Variants in POSTN observed in about 807,000 individuals in gnomAD.
POSTN encodes the protein osteoblast specific factor 2 (fasciclin I-like).
In POSTN, 71 loss-of-function variants were observed where a neutral mutation model predicts 104.5. The observed-to-expected ratio is 0.68, with a 90% confidence interval of 0.56 to 0.83. POSTN has a LOEUF of 0.83. Among genes scored for constraint, POSTN ranks in the 40% least tolerant of loss-of-function variants. POSTN has a pLI of 0.00. For synonymous variants in POSTN, 355 were observed against 340.7 expected, an observed-to-expected ratio of 1.04 and a Z score of -0.46; for missense variants, 949 against 1,006.8, an observed-to-expected ratio of 0.94 and a Z score of 0.78.
At chr13:37,586,041 T>C in intron 7 of POSTN, 98 bp downstream of exon 7, 7 of 1,243,398 alleles carry the variant, frequency 5.6e-6, no homozygotes, top group Non-Finnish European at 7.6e-6. Flanking sequence ...TCCCTGCCTT[T>C]GCTTATTAAA....
At chr13:37,590,682 CT>C (rs1342835701) in intron 3 of POSTN, among the ~76,000 whole-genome samples, 153 bp from the exon 4 acceptor site, 2 of 152,026 alleles carry the variant, frequency 1.3e-5, no homozygotes, top group African/African-American at 4.8e-5. Flanking sequence ...TAAAAGTTAT[CT>C]TTTGAGTGCT....
At chr13:37,595,809 A>G (rs1951068207) in intron 2 of POSTN, among the ~76,000 whole-genome samples, 1 of 147,338 alleles carries the variant, frequency 6.8e-6, no homozygotes, top group Non-Finnish European at 1.5e-5. Flanking sequence ...CATATTTAGT[A>G]TCTTTTTTTT....
intron 21 of POSTN, among the ~76,000 whole-genome samples, chr13:37,567,002 C>T (rs1234592899): frequency 6.6e-6 from 1 of 151,070 alleles, no homozygotes; most frequent in Non-Finnish European, 1.5e-5. Flanking sequence ...TTTGGGAGGC[C>T]GAGGCGGGCG....
intron 21 of POSTN, among the ~76,000 whole-genome samples, chr13:37,567,662 C>T (rs374868022): frequency 6.6e-6 from 1 of 151,924 alleles, no homozygotes; most frequent in Non-Finnish European, 1.5e-5. Context: ...AAAACCGATG[C>T]CTTACAGATA....
At chr13:37,595,604 C>A (rs955728558) in intron 2 of POSTN, among the ~76,000 whole-genome samples, 1 of 152,150 alleles carries the variant, frequency 6.6e-6, no homozygotes, top group East Asian at 1.9e-4. Context: ...AAATAGGCAT[C>A]TGGTCACAAC....
chr13:37,594,414 T>C (rs1379164901), intron 2 of POSTN, among the ~76,000 whole-genome samples: 3 of 152,144 alleles, frequency 2.0e-5, no homozygotes, highest in Admixed American at 6.5e-5. Flanking sequence ...AACAATGTGG[T>C]TATCTCTGAG....
At position 37,574,641 on chromosome 13, in the gene POSTN, T is replaced by C. The variant is rs748520068; in HGVS notation, c.2020A>G (p.Ile674Val). 1.3e-6 allele frequency: 2 copies of C among 1,597,986 alleles called. No homozygotes were observed. The highest frequency in any genetic ancestry group is 1.1e-5 in the South Asian group (1 of 87,366). ...ATTTTTGGTTCCACAACTTTGGTTA[T>C]AATTTTAGTTGCTGAAAGTATAGAA... The part of the protein sequence containing the change: ...IPVTVYTTKI[I>V]TKVVEPKIKV... Residue 674 changes from isoleucine (I) to valine (V), a missense_variant, in exon 17 of 23, where the codon ATA becomes GTA. By Grantham distance (29) the Ile-to-Val change is conservative (BLOSUM62 3). Coordinates refer to ENST00000379747, the MANE Select transcript of POSTN (RefSeq NM_006475.3).
At chr13:37,593,087 GA>G (rs1950990050) in intron 2 of POSTN, among the ~76,000 whole-genome samples, 2 of 150,932 alleles carry the variant, frequency 1.3e-5, no homozygotes, top group African/African-American at 4.9e-5. Context: ...TTTAATATTA[GA>G]GTTTAGTATT....
intron 7 of POSTN, 105 bp from the exon 8 acceptor site, chr13:37,585,033 T>G: frequency 6.8e-7 from 1 of 1,472,038 alleles, no homozygotes; most frequent in Middle Eastern, 1.8e-4. Context: ...TAAAATGTAG[T>G]AAAACCTAAG....
At chr13:37,590,631 AT>A in intron 3 of POSTN, 102 bp from the exon 4 acceptor site, 1 of 990,848 alleles carries the variant, frequency 1.0e-6, no homozygotes, top group Non-Finnish European at 1.4e-6. Context: ...CATTTAGCTA[AT>A]AATTTTAGCA....
chr13:37,580,378 A>G (rs1950543836), intron 11 of POSTN, among the ~76,000 whole-genome samples, 183 bp downstream of exon 11: 1 of 152,250 alleles, frequency 6.6e-6, no homozygotes, highest in Non-Finnish European at 1.5e-5. Flanking sequence ...GAAATCATAT[A>G]ACGGTGTACC....
intron 9 of POSTN, 129 bp downstream of exon 9, chr13:37,583,840 G>A (rs1950669718): frequency 4.8e-6 from 5 of 1,049,136 alleles, no homozygotes; most frequent in Non-Finnish European, 1.4e-6. Flanking sequence ...TTAACACATT[G>A]TATGTGTAGC....
At chr13:37,592,267 G>T in intron 2 of POSTN, 103 bp from the exon 3 acceptor site, 1 of 762,282 alleles carries the variant, frequency 1.3e-6, no homozygotes. Flanking sequence ...ATTTGTTGAG[G>T]TTCTAAAAAT....
At chr13:37,574,954 T>G (rs1354224646) in intron 16 of POSTN, among the ~76,000 whole-genome samples, 2 of 152,038 alleles carry the variant, frequency 1.3e-5, no homozygotes, top group Non-Finnish European at 2.9e-5. Flanking sequence ...CGCTTTACCT[T>G]CTTTTGTACT....
At position 37,569,350 on chromosome 13, in the gene POSTN, C is replaced by G; in HGVS notation, c.2381G>C (p.Gly794Ala). 6.2e-7 allele frequency: 1 copy of G among 1,612,898 alleles called. No individual in the cohort carries two copies. The highest frequency in any genetic ancestry group is 8.5e-7 in the Non-Finnish European group (1 of 1,179,138). Residue 794 changes from glycine to alanine, a missense_variant, in exon 21 of 23, where the codon GGT becomes GCT. Coordinates refer to ENST00000379747, the MANE Select transcript of POSTN (RefSeq NM_006475.3). ...VTKVTKFIEG[G>A]DGHLFEDEEI... is the part of the protein sequence containing the mutation. ...TTCATCTTCAAATAAATGACCATCA[C>G]CACCTTCAATGAATTTGGTGACCTT...
intron 16 of POSTN, among the ~76,000 whole-genome samples, chr13:37,576,844 T>G (rs1162697901): frequency 6.6e-6 from 1 of 152,090 alleles, no homozygotes; most frequent in East Asian, 1.9e-4. Context: ...AGACATTTTG[T>G]TTTGCTCCTT....
intron 15 of POSTN, among the ~76,000 whole-genome samples, chr13:37,578,028 A>C (rs1048052115): frequency 6.6e-6 from 1 of 152,200 alleles, no homozygotes; most frequent in Non-Finnish European, 1.5e-5. Flanking sequence ...TAATTAATCC[A>C]AAGTTAAATA....
chr13:37,564,208 ATATATATATATATATATATATG>A (rs1274613985), intron 22 of POSTN, among the ~76,000 whole-genome samples: 1 of 127,908 alleles, frequency 7.8e-6, no homozygotes, highest in African/African-American at 3.3e-5. Flanking sequence ...ATATATATAT[ATATATATATATATATATATATG>A]TATGGAGAAT....
intron 21 of POSTN, among the ~76,000 whole-genome samples, chr13:37,566,847 A>C (rs890044261): frequency 1.3e-5 from 2 of 152,158 alleles, no homozygotes; most frequent in African/African-American, 4.8e-5. Context: ...TATCAGTGAC[A>C]AATCACAACA....
Sources: allele counts gnomAD v4.1 joint callset (sites outside exome capture counted in the v4.1 genomes callset), GRCh38; gene constraint gnomAD v4.1.1; transcripts MANE v1.5; gene names NCBI Gene and HGNC (gene_info 2026-07-23, HGNC 2026-07-21).